The following PAH variants were observed in gnomAD, a reference collection of about 807,000 sequenced individuals.
PAH encodes the protein phenylalanine hydroxylase.
A neutral mutation model predicts 62.0 loss-of-function variants in PAH; 64 were observed. That is an observed-to-expected ratio of 1.03 (90% CI 0.84 to 1.27). The LOEUF is 1.27. PAH is among the 50% of genes most tolerant of loss of function. The pLI is 0.00. For missense variants in PAH, 579 were observed against 542.8 expected, an observed-to-expected ratio of 1.07 and a Z score of -0.66; for synonymous variants, 195 against 196.2, an observed-to-expected ratio of 0.99 and a Z score of 0.05.
At chr12:102,908,437 TGC>T (rs1318802907) in intron 2 of PAH, among the ~76,000 whole-genome samples, 1 of 152,222 alleles carries the variant, frequency 6.6e-6, no homozygotes, top group Non-Finnish European at 1.5e-5. Context: ...GTTACATAGG[TGC>T]ATTTTACAGA....
intron 3 of PAH, among the ~76,000 whole-genome samples, chr12:102,886,482 A>G (rs1877049217): frequency 6.6e-6 from 1 of 152,184 alleles, no homozygotes; most frequent in Admixed American, 6.5e-5. Flanking sequence ...ATCCATTGGC[A>G]GGTTGGCCCC....
intron 6 of PAH, among the ~76,000 whole-genome samples, chr12:102,854,437 C>T (rs183095585): frequency 2.0e-5 from 3 of 152,260 alleles, no homozygotes; most frequent in Admixed American, 6.5e-5. Flanking sequence ...AGAGTAACAC[C>T]CATTTCACCT....
chr12:102,858,052 C>T (rs566780408), intron 5 of PAH, among the ~76,000 whole-genome samples: 6 of 152,220 alleles, frequency 3.9e-5, no homozygotes, highest in Non-Finnish European at 5.9e-5. Context: ...AGAGTCAAGA[C>T]GTATCAGTGT....
At chr12:102,916,398 T>C (rs1033291452) in intron 1 of PAH, among the ~76,000 whole-genome samples, 4 of 152,168 alleles carry the variant, frequency 2.6e-5, no homozygotes, top group African/African-American at 9.7e-5. Context: ...CATTAAAGAA[T>C]GTATTCTGCA....
At chr12:102,952,506 G>T (rs1375343907), upstream of PAH, among the ~76,000 whole-genome samples, 2 of 152,096 alleles carry the variant, frequency 1.3e-5, no homozygotes, top group Non-Finnish European at 2.9e-5. Context: ...TCCTACAAAA[G>T]TTTAGAATGT....
intron 3 of PAH, chr12:102,885,979 G>A (rs1877024766): frequency 6.6e-6 from 1 of 152,428 alleles, no homozygotes; most frequent in African/African-American, 2.4e-5. Flanking sequence ...AGCAGTCCCT[G>A]TGTGCTGATC....
chr12:102,843,552 A>G, intron 11 of PAH, 94 bp downstream of exon 11: 2 of 1,232,562 alleles, frequency 1.6e-6, no homozygotes, highest in Non-Finnish European at 2.4e-6. Context: ...TGCTGTAGAC[A>G]TTGGAGTCCA....
chr12:102,853,720 T>C (rs914530721), intron 6 of PAH, among the ~76,000 whole-genome samples: 1 of 152,228 alleles, frequency 6.6e-6, no homozygotes, highest in Non-Finnish European at 1.5e-5. Flanking sequence ...TGTCTCTCAG[T>C]TTGTTGCAAA....
At position 102,957,077 on chromosome 12, in the gene PAH, A is replaced by G. The variant is rs1209589628; in HGVS notation, c.-96+1118T>C. On this transcript the variant is annotated intron_variant, in intron 1 of 4. Transcript: ENST00000551337. The surrounding 1 kb of genome is among the most constrained non-coding windows in gnomAD (Gnocchi z 4.1). Reference sequence around the variant, plus strand: ...GAGTCCCTCCCCCAACCATGTTTCTAAACTTCAATCGTAATTTGCTCCAAT... The same window carrying G: ...GAGTCCCTCCCCCAACCATGTTTCTGAACTTCAATCGTAATTTGCTCCAAT... 6.6e-6 allele frequency among the ~76,000 whole-genome samples: 1 copy of G among 152,098 alleles called. No homozygotes were observed. Among genetic ancestry groups the G allele is most frequent in the Non-Finnish European group, 1.5e-5 (1 of 68,024 alleles).
chr12:102,891,113 T>G (rs1046264416), intron 3 of PAH, among the ~76,000 whole-genome samples: 4 of 152,098 alleles, frequency 2.6e-5, no homozygotes, highest in Non-Finnish European at 5.9e-5. Context: ...CTTTTTTACT[T>G]TCTTACTTCC....
chr12:102,889,288 C>G lies in PAH; in HGVS notation c.352+5447G>C, dbSNP rs189900585. Among the ~76,000 whole-genome samples the G allele has an allele frequency of 2.8e-3, 431 of 152,220 alleles. 2 individuals carry two copies. The highest frequency in any genetic ancestry group is 9.9e-3 in the African/African-American group (411 of 41,520). On this transcript the variant is annotated intron_variant, in intron 3 of 12. Transcript: ENST00000553106. ...TACTCAGCACAGTTCTTCAGGTCAGCAATGTTGAAGCAGAAGAAACTCAAG... is the reference window on the plus strand; with the variant it reads ...TACTCAGCACAGTTCTTCAGGTCAGGAATGTTGAAGCAGAAGAAACTCAAG...
At chr12:102,866,360 G>A (rs576431978) in intron 5 of PAH, among the ~76,000 whole-genome samples, 26 of 152,156 alleles carry the variant, frequency 1.7e-4, no homozygotes, top group African/African-American at 5.3e-4. Context: ...CAGGGCCCCC[G>A]CACAGTGGGT....
intron 6 of PAH, 25 bp from the exon 7 acceptor site, chr12:102,852,975 C>T (rs762830199): frequency 1.1e-5 from 17 of 1,613,062 alleles, no homozygotes; most frequent in Non-Finnish European, 1.4e-5. Flanking sequence ...AGAAAGAAAA[C>T]TCAAAGCTCA....
chr12:102,945,105 T>A (rs1879442902), intron 1 of PAH: 1 of 152,232 alleles, frequency 6.6e-6, no homozygotes. Context: ...TAATCCTTAC[T>A]TCCTCCCAGA....
chr12:102,838,533 G>A lies in PAH; in HGVS notation c.*642C>T, dbSNP rs1592944463. ...AATTAATTGGAAAATGATACTGGAA[G>A]TTATGGGGATTAGGTGCAGAGTTTT... On this transcript the variant is annotated 3_prime_UTR_variant, in exon 13 of 13. Transcript: ENST00000553106. The A allele has an allele frequency of 6.6e-6, 1 of 152,282 alleles. No homozygotes were observed. The highest frequency in any genetic ancestry group is 2.4e-5 in the African/African-American group (1 of 41,568). The allele number at this position is 152,282 out of a possible 1,614,324, so 9.4% of individuals were successfully genotyped here. A position where few individuals can be genotyped will look rare whatever the true frequency, so the allele number is the denominator to read the frequency against.
chr12:102,874,674 G>A (rs908843087), intron 4 of PAH, among the ~76,000 whole-genome samples: 4 of 152,194 alleles, frequency 2.6e-5, no homozygotes, highest in Non-Finnish European at 5.9e-5. Context: ...AAGCAAGGTG[G>A]GAAAGGGGAA....
In PAH at chr12:102,843,596, C is replaced by G. The variant is rs369574052; in HGVS notation, c.1199+50G>C. 103 of 1,606,834 alleles carry G rather than the reference C, an allele frequency of 6.4e-5. No homozygotes were observed. In the African/African-American group the frequency reaches 1.0e-3, roughly 16 times the overall value. Reference sequence around the variant, plus strand: ...GCCAACCACCCACAGATGAGTGGCACCAGTCAGGAGGCCCCCAGAGCTAGT... The same window carrying G: ...GCCAACCACCCACAGATGAGTGGCAGCAGTCAGGAGGCCCCCAGAGCTAGT... On this transcript the variant is annotated intron_variant, in intron 11 of 12. Transcript: ENST00000553106.
At chr12:102,863,243 A>C (rs895793812) in intron 5 of PAH, among the ~76,000 whole-genome samples, 5 of 152,206 alleles carry the variant, frequency 3.3e-5, no homozygotes, top group Admixed American at 1.3e-4. Context: ...ATAATTGATC[A>C]TTACCATTAT....
intron 4 of PAH, among the ~76,000 whole-genome samples, chr12:102,874,729 G>A (rs1876489502): frequency 6.6e-6 from 1 of 152,142 alleles, no homozygotes; most frequent in Non-Finnish European, 1.5e-5. Context: ...GAGGCAAGAT[G>A]GTCACCAGGA....
Sources: allele counts gnomAD v4.1 joint callset (sites outside exome capture counted in the v4.1 genomes callset), GRCh38; gene constraint gnomAD v4.1.1; non-coding constraint Gnocchi (gnomAD v3.1); transcripts MANE v1.5; gene names NCBI Gene and HGNC (gene_info 2026-07-23, HGNC 2026-07-21).